TEF: variants seen among roughly 807,000 people sequenced by gnomAD.
TEF encodes the protein thyrotroph embryonic factor.
TEF carries 3 observed loss-of-function variants against 20.8 expected under a neutral mutation model. The ratio of observed to expected loss-of-function variants is 0.14; its 90% CI spans 0.07 to 0.37. The LOEUF is 0.37. TEF is among the 10% of genes least tolerant of loss of function. The probability of loss-of-function intolerance (pLI) is 1.00; values close to 1 mark genes in which losing one functional copy is unlikely to be tolerated. For missense variants in TEF, 296 were observed against 397.9 expected, an observed-to-expected ratio of 0.74 and a Z score of 2.18; for synonymous variants, 180 against 171.1, an observed-to-expected ratio of 1.05 and a Z score of -0.41.
chr22:41,372,594 T>C (rs1192781169), intron 1 of TEF, among the ~76,000 whole-genome samples: 1 of 151,884 alleles, frequency 6.6e-6, no homozygotes, highest in Non-Finnish European at 1.5e-5. Flanking sequence ...ATAGGGTGGG[T>C]ACCCATGTGG....
At chr22:41,382,236 G>T in intron 1 of TEF, 35 bp downstream of exon 1, 1 of 1,222,278 alleles carries the variant, frequency 8.2e-7, no homozygotes, top group East Asian at 3.2e-5. Flanking sequence ...CGGGCTGGGG[G>T]CGGGGCTTAT....
At chr22:41,381,595 G>T (rs1014881822), upstream of TEF, among the ~76,000 whole-genome samples, 28 of 152,340 alleles carry the variant, frequency 1.8e-4, no homozygotes, top group Middle Eastern at 6.8e-3. Context: ...GTTGGGGAGG[G>T]CGGGGGTTAT....
At chr22:41,375,759 C>T (rs887459037) in intron 1 of TEF, among the ~76,000 whole-genome samples, 7 of 151,560 alleles carry the variant, frequency 4.6e-5, no homozygotes, top group Admixed American at 2.0e-4. Flanking sequence ...AAATGCATAT[C>T]ATTTAGCTCT....
intron 3 of TEF, among the ~76,000 whole-genome samples, chr22:41,394,571 C>T (rs2037206237): frequency 6.6e-6 from 1 of 152,234 alleles, no homozygotes; most frequent in African/African-American, 2.4e-5. Flanking sequence ...GATGTTCCTG[C>T]CTCCCTGGCT....
At chr22:41,377,306 T>G (rs2036954773), upstream of TEF, 1 of 152,278 alleles carries the variant, frequency 6.6e-6, no homozygotes, top group Non-Finnish European at 1.5e-5. Flanking sequence ...GTTTACTGTT[T>G]GTAGAGATGA....
At chr22:41,392,951 G>T (rs1482490545) in intron 2 of TEF, among the ~76,000 whole-genome samples, 1 of 151,780 alleles carries the variant, frequency 6.6e-6, no homozygotes, top group Non-Finnish European at 1.5e-5. Context: ...TCGGGAATCG[G>T]TTGAACCCGG....
chr22:41,378,165 CTTTT>C (rs1227353344), upstream of TEF, among the ~76,000 whole-genome samples: 1 of 89,454 alleles, frequency 1.1e-5, no homozygotes. Context: ...CCTTAGCTTC[CTTTT>C]TTTTTTTTTT....
chr22:41,368,707 C>T (rs1336028278), intron 1 of TEF, among the ~76,000 whole-genome samples: 1 of 152,192 alleles, frequency 6.6e-6, no homozygotes, highest in Non-Finnish European at 1.5e-5. Context: ...GGAGCTCTCG[C>T]ACGCAGCTCT....
chr22:41,394,731 G>A (rs976145128), intron 3 of TEF, among the ~76,000 whole-genome samples: 8 of 152,196 alleles, frequency 5.3e-5, no homozygotes, highest in Non-Finnish European at 7.3e-5. Context: ...AGGAACTGGT[G>A]GGAAGAGAGA....
intron 1 of TEF, among the ~76,000 whole-genome samples, chr22:41,370,578 A>C (rs1054490078): frequency 6.6e-6 from 1 of 151,556 alleles, no homozygotes; most frequent in Non-Finnish European, 1.5e-5. Context: ...ACGCCCGGCT[A>C]ATTTTTGTAT....
upstream of TEF, chr22:41,381,870 A>G: frequency 8.2e-7 from 1 of 1,223,148 alleles, no homozygotes; most frequent in Non-Finnish European, 1.0e-6. Flanking sequence ...CCTCATGAAT[A>G]ATTAATGTGC....
intron 1 of TEF, among the ~76,000 whole-genome samples, chr22:41,383,971 G>T (rs1287652157): frequency 6.6e-6 from 1 of 152,162 alleles, no homozygotes; most frequent in Admixed American, 6.5e-5. Flanking sequence ...TTCTCAGTTG[G>T]TTTTAAACCA....
At chr22:41,395,031 G>T (rs1301982032) in intron 3 of TEF, among the ~76,000 whole-genome samples, 2 of 141,994 alleles carry the variant, frequency 1.4e-5, no homozygotes, top group African/African-American at 6.3e-5. Context: ...TTTTGAGACA[G>T]AGTCTCACTT....
chr22:41,377,575 A>G (rs2036958957), upstream of TEF, among the ~76,000 whole-genome samples: 1 of 152,218 alleles, frequency 6.6e-6, no homozygotes, highest in African/African-American at 2.4e-5. Flanking sequence ...TAGTGATAGG[A>G]GACAGAGGTA....
chr22:41,377,662 G>A (rs1284113403), upstream of TEF, among the ~76,000 whole-genome samples: 1 of 152,202 alleles, frequency 6.6e-6, no homozygotes, highest in Non-Finnish European at 1.5e-5. Context: ...GTTTAATGCT[G>A]TAAACTGATG....
At chr22:41,381,015 T>TA (rs1461012678), upstream of TEF, among the ~76,000 whole-genome samples, 1 of 152,220 alleles carries the variant, frequency 6.6e-6, no homozygotes, top group Admixed American at 6.5e-5. Flanking sequence ...GGTCATAAGC[T>TA]AGTAAGTGGG....
rs1008317751 is a variant in TEF at position 41,397,690 on chromosome 22, G to A, written c.*1730G>A. On this transcript the variant is annotated 3_prime_UTR_variant, in exon 4 of 4. Coordinates refer to ENST00000266304, the MANE Select transcript of TEF (RefSeq NM_003216.4). ...CCAGGCCCCTGACTTTTACTTTGTG[G>A]TTCTCTAAAAACCATGTACACACTT... is the stretch of plus-strand genomic sequence containing the variant. 6 of 152,224 alleles carry A rather than the reference G, an allele frequency of 3.9e-5. No individual in the cohort carries two copies. Among genetic ancestry groups the A allele is most frequent in the African/African-American group, 1.4e-4 (6 of 41,450 alleles). The allele number at this position is 152,224 out of a possible 1,614,324, so 9.4% of individuals were successfully genotyped here. A position where few individuals can be genotyped will look rare whatever the true frequency, so the allele number is the denominator to read the frequency against.
upstream of TEF, among the ~76,000 whole-genome samples, chr22:41,380,893 T>C (rs1197100175): frequency 2.6e-5 from 4 of 152,256 alleles, no homozygotes; most frequent in Non-Finnish European, 4.4e-5. Context: ...GGGAGAGTTC[T>C]AGAAAGGAAA....
intron 1 of TEF, chr22:41,370,060 C>T (rs1160218257): frequency 1.0e-6 from 1 of 984,868 alleles, no homozygotes; most frequent in East Asian, 1.1e-4. Flanking sequence ...GGTGTGCTCT[C>T]CCCATGCTCT....
Sources: gnomAD v4.1 joint callset for allele counts (sites outside exome capture counted in the v4.1 genomes callset) on GRCh38, gnomAD v4.1.1 for gene constraint, MANE v1.5 for transcripts, NCBI Gene and HGNC (gene_info 2026-07-23, HGNC 2026-07-21) for gene names.